KCNK13: variants seen among roughly 807,000 people sequenced by gnomAD.
KCNK13 encodes potassium channel subfamily K member 13.
Under a neutral mutation model 23.4 loss-of-function variants are expected in KCNK13, and 12 were observed. The ratio of observed to expected loss-of-function variants is 0.51; its 90% CI spans 0.33 to 0.83. KCNK13 has a LOEUF of 0.83. Among genes scored for constraint, KCNK13 ranks in the 40% least tolerant of loss-of-function variants. KCNK13 has a pLI of 0.02. For synonymous variants in KCNK13, 231 were observed against 229.5 expected, an observed-to-expected ratio of 1.01 and a Z score of -0.06; for missense variants, 463 against 556.3, an observed-to-expected ratio of 0.83 and a Z score of 1.69.
intron 1 of KCNK13, among the ~76,000 whole-genome samples, chr14:90,069,030 CTTTTTTTTTTTT>C (rs34881625): frequency 1.1e-5 from 1 of 90,122 alleles, no homozygotes; most frequent in South Asian, 4.2e-4. Flanking sequence ...AGTTTTTATT[CTTTTTTTTTTTT>C]TTTTTTTTTT....
At chr14:90,128,817 T>C (rs991376344) in intron 1 of KCNK13, among the ~76,000 whole-genome samples, 2 of 152,162 alleles carry the variant, frequency 1.3e-5, no homozygotes, top group Non-Finnish European at 2.9e-5. Context: ...AAATCTGATA[T>C]TTGATACATA....
At chr14:90,176,248 T>C (rs986375479) in intron 1 of KCNK13, among the ~76,000 whole-genome samples, 6 of 152,216 alleles carry the variant, frequency 3.9e-5, no homozygotes, top group Non-Finnish European at 8.8e-5. Flanking sequence ...CCTGGCTTAT[T>C]GAAGCTTCAG....
At chr14:90,113,485 A>G (rs1566953872) in intron 1 of KCNK13, among the ~76,000 whole-genome samples, 1 of 152,232 alleles carries the variant, frequency 6.6e-6, no homozygotes, top group South Asian at 2.1e-4. Flanking sequence ...TCAATGCACC[A>G]TCTTCAATTG....
chr14:90,157,361 C>T (rs1175268301), intron 1 of KCNK13, among the ~76,000 whole-genome samples: 1 of 152,092 alleles, frequency 6.6e-6, no homozygotes, highest in African/African-American at 2.4e-5. Context: ...TAGTCAAGCA[C>T]GTTGTAACCA....
chr14:90,125,905 T>TC (rs1889794221), intron 1 of KCNK13, among the ~76,000 whole-genome samples: 1 of 151,712 alleles, frequency 6.6e-6, no homozygotes, highest in South Asian at 2.1e-4. Flanking sequence ...GCACCTATAG[T>TC]CCCAGCTACT....
chr14:90,154,860 G>A (rs1410336122), intron 1 of KCNK13, among the ~76,000 whole-genome samples: 2 of 152,176 alleles, frequency 1.3e-5, no homozygotes, highest in Non-Finnish European at 2.9e-5. Flanking sequence ...GGGAATAATT[G>A]CAAAAGCTGT....
At chr14:90,153,936 C>T (rs145607880) in intron 1 of KCNK13, among the ~76,000 whole-genome samples, 21 of 152,336 alleles carry the variant, frequency 1.4e-4, no homozygotes, top group African/African-American at 4.6e-4. Flanking sequence ...GTCCTGGCGT[C>T]ACCAGGTGGT....
chr14:90,147,164 G>A (rs1281187972), intron 1 of KCNK13, among the ~76,000 whole-genome samples: 1 of 152,126 alleles, frequency 6.6e-6, no homozygotes, highest in African/African-American at 2.4e-5. Context: ...CATTGTTTTA[G>A]TTGTTTAAGA....
intron 1 of KCNK13, among the ~76,000 whole-genome samples, chr14:90,150,858 AGTCCCAGCTAC>A (rs1372977932): frequency 6.6e-6 from 1 of 152,126 alleles, no homozygotes; most frequent in Non-Finnish European, 1.5e-5. Flanking sequence ...GCATTCCTGT[AGTCCCAGCTAC>A]TGGGGAGGCT....
chr14:90,067,519 G>A (rs1173364312), intron 1 of KCNK13, among the ~76,000 whole-genome samples: 1 of 152,142 alleles, frequency 6.6e-6, no homozygotes, highest in African/African-American at 2.4e-5. Context: ...AAAACATTTT[G>A]GGTATAGATA....
Position 90,184,166 on chromosome 14 carries a change from C to T in KCNK13, c.390C>T (p.Tyr130=), listed in dbSNP as rs755523519. 5.5e-5 allele frequency: 88 copies of T among 1,614,074 alleles called. No homozygotes were observed. The highest frequency in any genetic ancestry group is 6.7e-5 in the Admixed American group (4 of 60,004). Residue 130 remains tyrosine (Y), a synonymous_variant, in exon 2 of 2, where the codon TAC becomes TAT. Transcript: ENST00000282146. This position sits in a 1 kb window ranked among gnomAD's most constrained non-coding sequence, Gnocchi z 5.6. ...GAGGAAAAATCTTTCTGATCTTTTA[C>T]GGCCTTGTTGGGTGTTCCAGCACCA... ...TVGGKIFLIF[Y]GLVGCSSTIL...
intron 1 of KCNK13, among the ~76,000 whole-genome samples, chr14:90,100,636 C>T (rs750949712): frequency 8.5e-5 from 13 of 152,118 alleles, no homozygotes; most frequent in Non-Finnish European, 1.3e-4. Flanking sequence ...GGAATGACTT[C>T]GAAAAATAGT....
At chr14:90,155,506 G>A (rs540383539) in intron 1 of KCNK13, among the ~76,000 whole-genome samples, 2 of 152,244 alleles carry the variant, frequency 1.3e-5, no homozygotes, top group South Asian at 4.2e-4. Context: ...TGCAGGCTAG[G>A]GAAGGATAGC....
At chr14:90,109,726 T>TTTG (rs1555402619) in intron 1 of KCNK13, among the ~76,000 whole-genome samples, 1 of 150,340 alleles carries the variant, frequency 6.7e-6, no homozygotes, top group African/African-American at 2.4e-5. Flanking sequence ...TTTTTTTTTT[T>TTTG]TGAGAAAGGA....
In KCNK13 at chr14:90,184,130, G is replaced by A. The variant is rs35001608; in HGVS notation, c.354G>A (p.Pro118=). 1,614 of 1,613,000 alleles carry A rather than the reference G, an allele frequency of 1.0e-3. 8 individuals carry two copies. In the African/African-American group the frequency reaches 0.017, roughly 17 times the overall value. ...VSTIGFGMTT[P]ATVGGKIFLI... ...CTGCAGGGTTTGGGATGACAACTCC[G>A]GCGACAGTAGGAGGAAAAATCTTTC... The change falls in exon 2 of 2, where the codon CCG becomes CCA. Residue 118 remains proline (P), a synonymous_variant. Transcript: ENST00000282146. The surrounding 1 kb of genome is among the most constrained non-coding windows in gnomAD (Gnocchi z 5.6).
chr14:90,164,459 G>A (rs2076285528), intron 1 of KCNK13, among the ~76,000 whole-genome samples: 2 of 152,192 alleles, frequency 1.3e-5, no homozygotes, highest in Admixed American at 1.3e-4. Context: ...AGAAATGGAA[G>A]GAAGGGGGAA....
At chr14:90,159,676 TTTTATCTA>T (rs1233771821) in intron 1 of KCNK13, among the ~76,000 whole-genome samples, 1 of 152,224 alleles carries the variant, frequency 6.6e-6, no homozygotes, top group Non-Finnish European at 1.5e-5. Flanking sequence ...ATATCTAGTG[TTTTATCTA>T]TATTAGGTTA....
intron 1 of KCNK13, among the ~76,000 whole-genome samples, chr14:90,168,163 C>T (rs973972183): frequency 6.6e-6 from 1 of 152,098 alleles, no homozygotes; most frequent in African/African-American, 2.4e-5. Flanking sequence ...TGCTTGAAGC[C>T]AGGAAGTCGA....
chr14:90,101,806 A>AAAAAAAAAAAAAAAAAAAAAAAAAC (rs1566951708), intron 1 of KCNK13, among the ~76,000 whole-genome samples: 1 of 144,492 alleles, frequency 6.9e-6, no homozygotes, highest in Non-Finnish European at 1.5e-5. Flanking sequence ...AAAAAAAAAA[A>AAAAAAAAAAAAAAAAAAAAAAAAAC]AAAAAACCTC....
Sources: allele counts gnomAD v4.1 joint callset (sites outside exome capture counted in the v4.1 genomes callset), GRCh38; gene constraint gnomAD v4.1.1; non-coding constraint Gnocchi (gnomAD v3.1); transcripts MANE v1.5; gene names NCBI Gene and HGNC (gene_info 2026-07-23, HGNC 2026-07-21).